The following DACH2 variants were observed in gnomAD, a reference collection of about 807,000 sequenced individuals.
DACH2 encodes dachshund homolog 2.
A neutral mutation model predicts 35.8 loss-of-function variants in DACH2; 17 were observed. The observed-to-expected ratio is 0.48, with a 90% CI of 0.33 to 0.71. The LOEUF is 0.71. DACH2 is among the 30% of genes least tolerant of loss of function. The probability of loss-of-function intolerance (pLI) is 0.02; values close to 1 mark genes in which losing one functional copy is unlikely to be tolerated. For synonymous variants in DACH2, 195 were observed against 177.3 expected (o/e 1.10, Z -0.79); for missense variants, 469 against 472.7 (o/e 0.99, Z 0.07).
intron 1 of DACH2, among the ~76,000 whole-genome samples, chrX:86,172,030 G>C (rs1302486553): frequency 1.8e-5 from 2 of 111,936 alleles, no homozygotes; most frequent in Admixed American, 1.9e-4. Context: ...AACTGCATTC[G>C]AGGTTATTTA....
chrX:86,600,398 ATTAT>A (rs2148358066), intron 3 of DACH2, among the ~76,000 whole-genome samples: 1 of 112,004 alleles, frequency 8.9e-6, no homozygotes, highest in South Asian at 3.7e-4. Context: ...TTATACCAGT[ATTAT>A]TTAAAGTCTA....
chrX:86,297,090 A>G (rs1331271733), intron 1 of DACH2, among the ~76,000 whole-genome samples: 1 of 105,587 alleles, frequency 9.5e-6, no homozygotes, highest in Non-Finnish European at 1.9e-5. Flanking sequence ...ACTTAACACA[A>G]TGAAAAACAT....
At chrX:86,275,152 A>T (rs770874964) in intron 1 of DACH2, among the ~76,000 whole-genome samples, 25 of 112,021 alleles carry the variant, frequency 2.2e-4, no homozygotes, top group Admixed American at 1.5e-3. Flanking sequence ...CAGCTGCTTA[A>T]TTTTTTTCTC....
intron 2 of DACH2, among the ~76,000 whole-genome samples, chrX:86,482,174 T>C (rs2037947389): frequency 8.9e-6 from 1 of 111,963 alleles, no homozygotes; most frequent in Non-Finnish European, 1.9e-5. Context: ...CAAAAATGTA[T>C]AGTATTTTCA....
At chrX:86,540,970 A>G (rs1409589901) in intron 3 of DACH2, among the ~76,000 whole-genome samples, 1 of 111,929 alleles carries the variant, frequency 8.9e-6, no homozygotes, top group African/African-American at 3.2e-5. Context: ...CTCACTTTAT[A>G]GTTCTTATGA....
intron 7 of DACH2, among the ~76,000 whole-genome samples, chrX:86,796,981 T>C (rs1440414976): frequency 9.0e-6 from 1 of 111,723 alleles, no homozygotes; most frequent in South Asian, 3.7e-4. Context: ...CAATAACTGA[T>C]GGAAATATAG....
chrX:86,432,147 A>ACC (rs1176806183), intron 2 of DACH2, among the ~76,000 whole-genome samples: 1 of 112,353 alleles, frequency 8.9e-6, no homozygotes, highest in Non-Finnish European at 1.9e-5. Context: ...TCAACAGATA[A>ACC]ATCTACAAAG....
chrX:86,215,381 C>T (rs1013274171), intron 1 of DACH2, among the ~76,000 whole-genome samples: 10 of 111,521 alleles, frequency 9.0e-5, no homozygotes, highest in Admixed American at 3.8e-4. Flanking sequence ...AAAAAAGCTA[C>T]GCAAGAGTTA....
chrX:86,461,400 G>T (rs945477518), intron 2 of DACH2, among the ~76,000 whole-genome samples: 1 of 111,135 alleles, frequency 9.0e-6, no homozygotes, highest in Non-Finnish European at 1.9e-5. Context: ...TGTTGTATTG[G>T]GGGGTGGATT....
At chrX:86,205,759 G>GT (rs1235520344) in intron 1 of DACH2, among the ~76,000 whole-genome samples, 1 of 106,398 alleles carries the variant, frequency 9.4e-6, no homozygotes, top group Admixed American at 1.0e-4. Context: ...TAGAGATGAG[G>GT]TTTTGCTGTG....
At chrX:86,795,257 G>C (rs5969004) in intron 7 of DACH2, among the ~76,000 whole-genome samples, 22,047 of 92,889 alleles carry the variant, frequency 0.24, 2,467 homozygotes, top group South Asian at 0.43. Context: ...TTTTGAGACA[G>C]AATCTTCGCT....
At chrX:86,649,282 A>G (rs1477211983) in intron 3 of DACH2, among the ~76,000 whole-genome samples, 1 of 110,885 alleles carries the variant, frequency 9.0e-6, no homozygotes, top group Non-Finnish European at 1.9e-5. Flanking sequence ...TATATTGTTC[A>G]CTGAAATCCA....
intron 1 of DACH2, among the ~76,000 whole-genome samples, chrX:86,314,066 T>C (rs1255712844): frequency 9.0e-6 from 1 of 110,630 alleles, no homozygotes; most frequent in Non-Finnish European, 1.9e-5. Flanking sequence ...TTCTCACTGG[T>C]CTACTGCTTG....
chrX:86,630,815 A>G (rs6623742), intron 3 of DACH2, among the ~76,000 whole-genome samples: 10,222 of 109,906 alleles, frequency 0.093, 497 homozygotes, highest in South Asian at 0.33. Flanking sequence ...CTCAGCCTCC[A>G]GAGTAGCTTG....
chrX:86,693,807 T>G (rs2041035908), intron 4 of DACH2, among the ~76,000 whole-genome samples: 1 of 111,855 alleles, frequency 8.9e-6, no homozygotes, highest in Non-Finnish European at 1.9e-5. Context: ...ACTATAATAG[T>G]GACAATTGGA....
intron 2 of DACH2, among the ~76,000 whole-genome samples, chrX:86,449,945 G>T (rs184643730): frequency 1.5e-3 from 168 of 111,354 alleles, no homozygotes; most frequent in South Asian, 6.3e-3. Context: ...GAGTATTCTT[G>T]TCTATGTATA....
chrX:86,257,767 T>C (rs772676105), intron 1 of DACH2, among the ~76,000 whole-genome samples: 2 of 112,370 alleles, frequency 1.8e-5, no homozygotes, highest in African/African-American at 6.5e-5. Context: ...ATTATTGCAG[T>C]CTAATTAATT....
intron 4 of DACH2, among the ~76,000 whole-genome samples, chrX:86,671,701 A>T (rs1020612764): frequency 1.8e-5 from 2 of 112,135 alleles, no homozygotes; most frequent in African/African-American, 6.5e-5. Flanking sequence ...TTTATAAATT[A>T]TCCAGTCTCA....
At chrX:86,679,318 C>T (rs147355897) in intron 4 of DACH2, among the ~76,000 whole-genome samples, 5,923 of 110,653 alleles carry the variant, frequency 0.054, 392 homozygotes, top group African/African-American at 0.18. Context: ...TGTGTGAATG[C>T]GTAGGTATGA....
Sources: allele counts gnomAD v4.1 joint callset (sites outside exome capture counted in the v4.1 genomes callset), GRCh38; gene constraint gnomAD v4.1.1; transcripts MANE v1.5; gene names NCBI Gene and HGNC (gene_info 2026-07-23, HGNC 2026-07-21).